The following WDPCP variants were observed in gnomAD, a reference collection of about 807,000 sequenced individuals.
WDPCP encodes the protein WD repeat containing planar cell polarity effector, also known as WD repeat-containing and planar cell polarity effector protein fritz homolog.
In WDPCP, 71 loss-of-function variants were observed where a neutral mutation model predicts 93.1. The ratio of observed to expected loss-of-function variants is 0.76; its 90% CI spans 0.63 to 0.93. The LOEUF (loss-of-function observed/expected upper bound fraction) is 0.93. Ranked by LOEUF, WDPCP falls within the 40% of genes least tolerant of loss-of-function variation. The probability of loss-of-function intolerance (pLI) is 0.00; values close to 1 mark genes in which losing one functional copy is unlikely to be tolerated. For missense variants in WDPCP, 844 were observed against 887.4 expected (o/e 0.95, Z 0.62); for synonymous variants, 315 against 315.0 (o/e 1.00, Z 0.00).
intron 3 of WDPCP, among the ~76,000 whole-genome samples, chr2:63,647,620 G>T (rs369904522): frequency 6.6e-6 from 1 of 152,300 alleles, no homozygotes; most frequent in South Asian, 2.1e-4. Flanking sequence ...GAGTGGGTGA[G>T]AGTGAAAGGA....
At chr2:63,631,794 A>G (rs1394442345) in intron 3 of WDPCP, among the ~76,000 whole-genome samples, 2 of 152,178 alleles carry the variant, frequency 1.3e-5, no homozygotes, top group African/African-American at 2.4e-5. Flanking sequence ...GGCCTGCTCA[A>G]TGGAGGACTC....
At chr2:63,627,506 C>A (rs1709822314) in intron 3 of WDPCP, among the ~76,000 whole-genome samples, 1 of 152,230 alleles carries the variant, frequency 6.6e-6, no homozygotes, top group South Asian at 2.1e-4. Context: ...TTTACCACTC[C>A]AACGTTGCCT....
chr2:63,211,106 T>C (rs1467503767), intron 14 of WDPCP, among the ~76,000 whole-genome samples: 4 of 152,018 alleles, frequency 2.6e-5, no homozygotes, highest in African/African-American at 7.2e-5. Context: ...TTGAAGAGAG[T>C]AGTGGTTCTC....
At chr2:63,174,869 G>C in intron 14 of WDPCP, 37 bp from the exon 15 acceptor site, 1 of 1,600,936 alleles carries the variant, frequency 6.2e-7, no homozygotes, top group Non-Finnish European at 8.6e-7. Flanking sequence ...GAAATACTAA[G>C]TACAATTTCT....
intron 10 of WDPCP, among the ~76,000 whole-genome samples, chr2:63,390,162 C>T (rs1256567254): frequency 6.6e-6 from 1 of 152,146 alleles, no homozygotes; most frequent in African/African-American, 2.4e-5. Context: ...CACTCCTCAG[C>T]AAATGTAGAA....
chr2:63,549,260 A>G (rs1248908200), intron 1 of WDPCP, among the ~76,000 whole-genome samples: 1 of 151,502 alleles, frequency 6.6e-6, no homozygotes, highest in East Asian at 1.9e-4. Flanking sequence ...AAAAAAAAAA[A>G]AAAAAAAAGA....
chr2:63,258,554 T>C (rs987008302), intron 14 of WDPCP, among the ~76,000 whole-genome samples: 7 of 152,190 alleles, frequency 4.6e-5, no homozygotes, highest in Admixed American at 1.3e-4. Flanking sequence ...TGGAAATCTT[T>C]TTAAAACTTA....
At chr2:63,643,590 G>T in intron 3 of WDPCP, 1 of 432,960 alleles carries the variant, frequency 2.3e-6, no homozygotes, top group East Asian at 5.6e-5. Context: ...CCTTGATGAG[G>T]GGATCAGGGT....
At chr2:63,212,438 G>A (rs1452496062) in intron 14 of WDPCP, among the ~76,000 whole-genome samples, 1 of 152,130 alleles carries the variant, frequency 6.6e-6, no homozygotes, top group Non-Finnish European at 1.5e-5. Context: ...GTCACCACCA[G>A]GCCTGCCTTA....
intron 17 of WDPCP, among the ~76,000 whole-genome samples, chr2:63,151,352 G>A (rs1273463609): frequency 6.6e-6 from 1 of 152,148 alleles, no homozygotes; most frequent in East Asian, 1.9e-4. Context: ...AGCCTCCTGA[G>A]TAGCTGTGAC....
chr2:63,286,397 G>A (rs536842129), intron 13 of WDPCP, among the ~76,000 whole-genome samples: 38 of 152,212 alleles, frequency 2.5e-4, no homozygotes, highest in South Asian at 1.5e-3. Flanking sequence ...CCACCCTTAA[G>A]AAGGTTCTTT....
chr2:63,571,451 T>C (rs942031031), intron 1 of WDPCP: 2 of 467,330 alleles, frequency 4.3e-6, no homozygotes, highest in Admixed American at 2.4e-5. Context: ...GAATTTCCTT[T>C]AGCATTTCTT....
intron 2 of WDPCP, among the ~76,000 whole-genome samples, chr2:63,723,959 A>G (rs117409167): frequency 6.6e-6 from 1 of 152,354 alleles, no homozygotes; most frequent in East Asian, 1.9e-4. Flanking sequence ...GGCCTGGAAG[A>G]ACTGCTTTCA....
intron 14 of WDPCP, among the ~76,000 whole-genome samples, chr2:63,184,371 A>T (rs1283346986): frequency 6.6e-6 from 1 of 151,976 alleles, no homozygotes; most frequent in Non-Finnish European, 1.5e-5. Flanking sequence ...ATTTTGTTCC[A>T]TGTTTAGAAC....
chr2:63,246,192 A>G (rs532492403), intron 14 of WDPCP, among the ~76,000 whole-genome samples: 10 of 152,182 alleles, frequency 6.6e-5, no homozygotes, highest in Admixed American at 1.3e-4. Flanking sequence ...TGATAGGCAA[A>G]AGTTTGCATC....
chr2:63,388,028 C>A (rs1692889400), intron 10 of WDPCP, among the ~76,000 whole-genome samples: 1 of 152,060 alleles, frequency 6.6e-6, no homozygotes, highest in Non-Finnish European at 1.5e-5. Context: ...GAATCAATAT[C>A]ATTAAAATGA....
chr2:63,191,704 AG>A, intron 14 of WDPCP, among the ~76,000 whole-genome samples: 1 of 152,334 alleles, frequency 6.6e-6, no homozygotes, highest in East Asian at 1.9e-4. Context: ...ATACTTCTAA[AG>A]GCATCAAACT....
chr2:63,378,328 G>GA, intron 12 of WDPCP, 58 bp downstream of exon 12: 1 of 1,607,922 alleles, frequency 6.2e-7, no homozygotes, highest in Non-Finnish European at 8.5e-7. Context: ...AATTAAAGAG[G>GA]ATGTCTCCTG....
chr2:63,682,776 A>T (rs1285394363), intron 2 of WDPCP, among the ~76,000 whole-genome samples: 2 of 152,188 alleles, frequency 1.3e-5, no homozygotes, highest in Non-Finnish European at 2.9e-5. Flanking sequence ...AAGAGAAAAG[A>T]AACAAAAAAC....
Sources: gnomAD v4.1 joint callset for allele counts (sites outside exome capture counted in the v4.1 genomes callset) on GRCh38, gnomAD v4.1.1 for gene constraint, MANE v1.5 for transcripts, NCBI Gene and HGNC (gene_info 2026-07-23, HGNC 2026-07-21) for gene names.